FAM13A: variants seen among roughly 807,000 people sequenced by gnomAD.
FAM13A encodes the protein family with sequence similarity 13 member A, also known as protein FAM13A.
Under a neutral mutation model 129.6 loss-of-function variants are expected in FAM13A, and 76 were observed. The ratio of observed to expected loss-of-function variants is 0.59; its 90% confidence interval spans 0.49 to 0.71. FAM13A has a LOEUF of 0.71. Ranked by LOEUF, FAM13A falls within the 30% of genes least tolerant of loss-of-function variation. The pLI, the probability that FAM13A is intolerant of heterozygous loss-of-function variation, is 0.00. For missense variants in FAM13A, 1,108 were observed against 1,249.3 expected, an observed-to-expected ratio of 0.89 and a Z score of 1.70; for synonymous variants, 443 against 449.9, an observed-to-expected ratio of 0.98 and a Z score of 0.20.
At chr4:88,854,584 G>C (rs1738180119) in intron 6 of FAM13A, among the ~76,000 whole-genome samples, 1 of 152,076 alleles carries the variant, frequency 6.6e-6, no homozygotes, top group East Asian at 1.9e-4. Context: ...TGTATGTGAA[G>C]GTAAAAACTA....
At chr4:88,843,595 T>C (rs1370885761) in intron 7 of FAM13A, among the ~76,000 whole-genome samples, 2 of 152,236 alleles carry the variant, frequency 1.3e-5, no homozygotes, top group African/African-American at 4.8e-5. Context: ...TCATATTTAA[T>C]TGCAGATTAG....
At chr4:88,975,450 CCTA>C (rs1760764721) in intron 4 of FAM13A, among the ~76,000 whole-genome samples, 1 of 152,068 alleles carries the variant, frequency 6.6e-6, no homozygotes, top group South Asian at 2.1e-4. Flanking sequence ...TGTGTATATA[CCTA>C]AATTTTCTAC....
chr4:88,839,534 A>T (rs1257883323), intron 7 of FAM13A, among the ~76,000 whole-genome samples: 1 of 149,192 alleles, frequency 6.7e-6, no homozygotes, highest in Non-Finnish European at 1.5e-5. Flanking sequence ...GTGTAGATTG[A>T]ATGTGAGATG....
chr4:88,864,878 A>G (rs929533741), intron 6 of FAM13A, among the ~76,000 whole-genome samples: 1 of 152,254 alleles, frequency 6.6e-6, no homozygotes. Context: ...GTCTCCAGGC[A>G]TAAAACCTAT....
chr4:88,831,097 T>C (rs892524966), intron 7 of FAM13A, among the ~76,000 whole-genome samples: 11 of 152,300 alleles, frequency 7.2e-5, no homozygotes, highest in African/African-American at 2.4e-4. Flanking sequence ...TCCTCAACTT[T>C]CTGGGACAGG....
At chr4:88,797,341 T>C (rs1726420784) in intron 8 of FAM13A, among the ~76,000 whole-genome samples, 1 of 151,614 alleles carries the variant, frequency 6.6e-6, no homozygotes, top group Non-Finnish European at 1.5e-5. Context: ...GGCATCATCA[T>C]AGCTCACTGA....
intron 4 of FAM13A, among the ~76,000 whole-genome samples, chr4:88,975,121 C>T (rs1189741386): frequency 6.6e-6 from 1 of 152,076 alleles, no homozygotes; most frequent in Non-Finnish European, 1.5e-5. Context: ...AATCTAAACG[C>T]TCAAAAGAAA....
At chr4:88,978,338 G>C (rs1312690639) in intron 4 of FAM13A, among the ~76,000 whole-genome samples, 2 of 152,026 alleles carry the variant, frequency 1.3e-5, no homozygotes, top group East Asian at 3.8e-4. Flanking sequence ...ATGAGGAATA[G>C]ATAACTAAAG....
intron 6 of FAM13A, among the ~76,000 whole-genome samples, chr4:88,873,686 A>T (rs1741844146): frequency 1.3e-5 from 2 of 152,220 alleles, no homozygotes; most frequent in Admixed American, 1.3e-4. Flanking sequence ...GACCAGATGG[A>T]TTCACAGCCG....
At chr4:89,022,463 T>G (rs1350370904) in intron 2 of FAM13A, among the ~76,000 whole-genome samples, 1 of 152,172 alleles carries the variant, frequency 6.6e-6, no homozygotes, top group African/African-American at 2.4e-5. Flanking sequence ...GCTCCAATTC[T>G]GAAAAAAATT....
At chr4:89,008,271 C>T (rs2149076898) in intron 3 of FAM13A, among the ~76,000 whole-genome samples, 1 of 152,284 alleles carries the variant, frequency 6.6e-6, no homozygotes, top group Middle Eastern at 3.4e-3. Context: ...TGGAAGACAG[C>T]ACCTTTAAGG....
At chr4:88,941,721 C>A (rs1754788348) in intron 4 of FAM13A, among the ~76,000 whole-genome samples, 1 of 152,116 alleles carries the variant, frequency 6.6e-6, no homozygotes, top group Non-Finnish European at 1.5e-5. Context: ...CCCTGAGAAT[C>A]CTGTGTAAGT....
intron 11 of FAM13A, among the ~76,000 whole-genome samples, chr4:88,771,281 G>A (rs1720630674): frequency 6.6e-6 from 1 of 151,916 alleles, no homozygotes; most frequent in Non-Finnish European, 1.5e-5. Context: ...CTTGGGGTTA[G>A]GGAGGAATGA....
rs6830008 is a variant in FAM13A, at chr4:88,728,272, T to C, written c.*261A>G. ...AAAGCTCCACTACTGTGTGTGTGTGTGCGTGCATGCGCGTGCGCATGTGCA... is the reference window on the plus strand; with the variant it reads ...AAAGCTCCACTACTGTGTGTGTGTGCGCGTGCATGCGCGTGCGCATGTGCA... On this transcript the variant is annotated 3_prime_UTR_variant, in exon 24 of 24. Coordinates refer to ENST00000264344, the MANE Select transcript of FAM13A (RefSeq NM_014883.4). 6.5e-3 allele frequency: 3,304 copies of C among 505,084 alleles called. 85 individuals are homozygous for C. The highest frequency in any genetic ancestry group is 0.052 in the African/African-American group (2,709 of 52,036). The allele number at this position is 505,084 out of a possible 1,614,324, so 31.3% of individuals were successfully genotyped here.
chr4:88,928,100 T>C (rs975843951), intron 5 of FAM13A, among the ~76,000 whole-genome samples: 1 of 152,202 alleles, frequency 6.6e-6, no homozygotes, highest in African/African-American at 2.4e-5. Context: ...CCAGTGATCA[T>C]TCAGGAGCAT....
chr4:88,801,046 CA>C (rs893478945), intron 8 of FAM13A, among the ~76,000 whole-genome samples: 32 of 148,418 alleles, frequency 2.2e-4, no homozygotes, highest in Middle Eastern at 3.5e-3. Context: ...AAGCATAATA[CA>C]AAAAAAAAAT....
rs537100016 is a variant in FAM13A, at chr4:88,731,219, A to C, written c.2945+108T>G. On this transcript the variant is annotated intron_variant, in intron 23 of 23. Coordinates refer to ENST00000264344, the MANE Select transcript of FAM13A (RefSeq NM_014883.4). ...GGACCAGGTTACAGGGAGGATGCAG[A>C]AGAGTCCCCCCTTTGAAGGCATTCC... 3.1e-3 allele frequency: 1,992 copies of C among 635,380 alleles called. 60 individuals carry two copies. In the South Asian group the frequency reaches 0.038, roughly 12 times the overall value. The allele number at this position is 635,380 out of a possible 1,614,324, so 39.4% of individuals were successfully genotyped here. A position where few individuals can be genotyped will look rare whatever the true frequency, so the allele number is the denominator to read the frequency against.
At position 88,733,182 on chromosome 4, in the gene FAM13A, C is replaced by T. The variant is rs181039058; in HGVS notation, c.2647-984G>A. ...AGGAGGCCGCAGCAGTTCCCGCTGG[C>T]GGGCAAAGTACAAGTGTGCAAATGG... On this transcript the variant is annotated intron_variant, in intron 21 of 23. Transcript: ENST00000264344. Among the ~76,000 whole-genome samples the T allele has an allele frequency of 2.1e-4, 32 of 152,252 alleles. No homozygotes were observed. The South Asian group carries it at 4.1e-3, about 20-fold the overall frequency.
chr4:89,040,471 C>T (rs918323533), intron 1 of FAM13A, among the ~76,000 whole-genome samples: 1 of 152,122 alleles, frequency 6.6e-6, no homozygotes, highest in African/African-American at 2.4e-5. Flanking sequence ...ATGTTCTTTC[C>T]AAATTGCAAT....
Sources: gnomAD v4.1 joint callset for allele counts (sites outside exome capture counted in the v4.1 genomes callset) on GRCh38, gnomAD v4.1.1 for gene constraint, MANE v1.5 for transcripts, NCBI Gene and HGNC (gene_info 2026-07-23, HGNC 2026-07-21) for gene names.